ARFGEF3: variants seen among roughly 807,000 people sequenced by gnomAD.
ARFGEF3 encodes brefeldin A-inhibited guanine nucleotide-exchange protein 3.
In ARFGEF3, 96 loss-of-function variants were observed where a neutral mutation model predicts 221.7. The observed-to-expected ratio is 0.43, with a 90% confidence interval of 0.37 to 0.51. The LOEUF is 0.51. Among genes scored for constraint, ARFGEF3 ranks in the 20% least tolerant of loss-of-function variants. ARFGEF3 has a pLI of 0.00. For synonymous variants in ARFGEF3, 1,145 were observed against 1,126.8 expected (o/e 1.02, Z -0.32); for missense variants, 2,410 against 2,789.9 (o/e 0.86, Z 3.07).
chr6:138,166,487 A>G (rs866936848), intron 1 of ARFGEF3, among the ~76,000 whole-genome samples: 34 of 152,284 alleles, frequency 2.2e-4, no homozygotes, highest in Non-Finnish European at 4.9e-4. Context: ...ATCAGTGTTA[A>G]TGGCTGCAGA....
intron 4 of ARFGEF3, among the ~76,000 whole-genome samples, chr6:138,215,700 T>C (rs1043355737): frequency 6.6e-6 from 1 of 151,926 alleles, no homozygotes; most frequent in African/African-American, 2.4e-5. Context: ...TAAGGAGGGG[T>C]AAAACTAGGA....
chr6:138,204,617 T>C (rs1777596779), intron 2 of ARFGEF3, among the ~76,000 whole-genome samples: 1 of 152,188 alleles, frequency 6.6e-6, no homozygotes, highest in Non-Finnish European at 1.5e-5. Context: ...ATTATGGGGC[T>C]CTTTACCAAA....
In ARFGEF3 at chr6:138,298,695, G is replaced by A. The variant is rs1241790930; in HGVS notation, c.3738G>A (p.Glu1246=). The change falls in exon 22 of 34, where the codon GAG becomes GAA. Residue 1246 remains glutamate, a synonymous_variant. Coordinates refer to ENST00000251691, the MANE Select transcript of ARFGEF3 (RefSeq NM_020340.5). The part of the protein sequence containing the change: ...ILTEVLTDWN[E]PPHFHFNEAL... ...CAGAAGTCCTCACTGACTGGAATGA[G>A]CCACCTCATTTTCACTTCAATGAAG... 6.2e-7 allele frequency: 1 copy of A among 1,613,610 alleles called. No homozygotes were observed. The highest frequency in any genetic ancestry group is 1.7e-5 in the Admixed American group (1 of 60,012).
In ARFGEF3 at chr6:138,311,419, G is replaced by A. The variant is rs755360881; in HGVS notation, c.4109G>A (p.Cys1370Tyr). ...GTGCCGCCCCTAGGGGAGGTGGACT[G>A]TAAAGAGATTGGAGACTGTGCCCCA... is the stretch of plus-strand genomic sequence containing the variant. ...KFVKGLGEVD[C>Y]KEIGDCAPAP... Residue 1370 changes from cysteine (C) to tyrosine (Y), a missense_variant, in exon 25 of 34, where the codon TGT becomes TAT. Cys to Tyr is a radical substitution (Grantham distance 194). Transcript: ENST00000251691. The A allele has an allele frequency of 1.2e-6, 2 of 1,606,104 alleles. No individual in the cohort carries two copies. Among genetic ancestry groups the A allele is most frequent in the East Asian group, 4.5e-5 (2 of 44,590 alleles).
chr6:138,324,251 A>T, intron 31 of ARFGEF3, 97 bp downstream of exon 31: 3 of 1,436,502 alleles, frequency 2.1e-6, no homozygotes, highest in Non-Finnish European at 2.8e-6. Context: ...ATTGCCTTTC[A>T]TTCCCTGAGG....
chr6:138,292,320 C>T (rs1403205042), intron 19 of ARFGEF3, among the ~76,000 whole-genome samples: 1 of 152,190 alleles, frequency 6.6e-6, no homozygotes, highest in East Asian at 1.9e-4. Flanking sequence ...CTCCCTGGGC[C>T]CTGCCTGGCT....
chr6:138,307,139 C>A, intron 22 of ARFGEF3, 114 bp from the exon 23 acceptor site: 1 of 1,101,596 alleles, frequency 9.1e-7, no homozygotes, highest in African/African-American at 1.5e-5. Flanking sequence ...CTGGTTTTTC[C>A]TTTTCACTAA....
chr6:138,203,290 G>C (rs1777569810), intron 2 of ARFGEF3, among the ~76,000 whole-genome samples: 1 of 152,216 alleles, frequency 6.6e-6, no homozygotes, highest in Non-Finnish European at 1.5e-5. Context: ...ATTTGGGTTT[G>C]AGTTGTCTCC....
chr6:138,326,643 C>A (rs975679405), intron 31 of ARFGEF3, among the ~76,000 whole-genome samples: 9 of 152,130 alleles, frequency 5.9e-5, no homozygotes, highest in Non-Finnish European at 1.3e-4. Flanking sequence ...GAAAAAGTAA[C>A]GCTTTTATAC....
chr6:138,340,662 A>AT lies in ARFGEF3; in HGVS notation c.*4182dup, dbSNP rs1232848677. On this transcript the variant is annotated 3_prime_UTR_variant, in exon 34 of 34. Coordinates refer to ENST00000251691, the MANE Select transcript of ARFGEF3 (RefSeq NM_020340.5). ...TTGTGAGACAAGTGTTGTGTTCCTCATTTTTTCAGAGGGGAACACAGACCC... is the reference window on the plus strand; with the variant it reads ...TTGTGAGACAAGTGTTGTGTTCCTCATTTTTTTCAGAGGGGAACACAGACCC... 1 of 152,104 alleles carries AT rather than the reference A, an allele frequency of 6.6e-6. No homozygotes were observed. Among genetic ancestry groups the AT allele is most frequent in the Non-Finnish European group, 1.5e-5 (1 of 68,014 alleles). 9.4% of individuals were successfully genotyped at this position (152,104 alleles called of 1,614,324 possible). A position where few individuals can be genotyped will look rare whatever the true frequency, so the allele number is the denominator to read the frequency against.
At chr6:138,236,467 A>G (rs1450773176) in intron 5 of ARFGEF3, among the ~76,000 whole-genome samples, 1 of 152,218 alleles carries the variant, frequency 6.6e-6, no homozygotes, top group African/African-American at 2.4e-5. Context: ...GCAAAAGTAG[A>G]AGCATTTCAG....
intron 2 of ARFGEF3, among the ~76,000 whole-genome samples, chr6:138,173,740 C>T (rs1350611836): frequency 6.6e-6 from 1 of 152,108 alleles, no homozygotes; most frequent in Middle Eastern, 3.4e-3. Context: ...TTTGCTTTAC[C>T]CCAGAGCCAG....
intron 2 of ARFGEF3, among the ~76,000 whole-genome samples, chr6:138,186,835 C>T (rs1053076246): frequency 6.7e-6 from 1 of 150,244 alleles, no homozygotes; most frequent in African/African-American, 2.4e-5. Context: ...TGCTGCTCTT[C>T]TCACTGCACT....
At chr6:138,316,096 G>T (rs1251779269) in intron 26 of ARFGEF3, among the ~76,000 whole-genome samples, 1 of 152,098 alleles carries the variant, frequency 6.6e-6, no homozygotes, top group Non-Finnish European at 1.5e-5. Flanking sequence ...AAACGGTTGG[G>T]TATGTAACGT....
At chr6:138,264,968 A>G (rs1319023970) in intron 12 of ARFGEF3, among the ~76,000 whole-genome samples, 2 of 150,568 alleles carry the variant, frequency 1.3e-5, no homozygotes, top group Admixed American at 6.6e-5. Context: ...CAGTGGTGCA[A>G]TCTCGGCTCA....
intron 12 of ARFGEF3, among the ~76,000 whole-genome samples, chr6:138,275,870 C>T (rs1583044461): frequency 6.6e-6 from 1 of 151,996 alleles, no homozygotes; most frequent in East Asian, 1.9e-4. Flanking sequence ...AAATTTGTAT[C>T]TCTCATTTCT....
At chr6:138,215,254 A>G (rs1777819213) in intron 4 of ARFGEF3, among the ~76,000 whole-genome samples, 1 of 152,118 alleles carries the variant, frequency 6.6e-6, no homozygotes, top group Admixed American at 6.5e-5. Context: ...TGCCGAATGG[A>G]ATTATGGCTG....
rs770380452 is a variant in ARFGEF3, at chr6:138,263,387, G to C, written c.1904G>C (p.Cys635Ser). 6.2e-7 allele frequency: 1 copy of C among 1,613,994 alleles called. No individual in the cohort carries two copies. The highest frequency in any genetic ancestry group is 8.5e-7 in the Non-Finnish European group (1 of 1,179,900). Residue 635 changes from cysteine (C) to serine (S), a missense_variant, in exon 12 of 34, where the codon TGT becomes TCT. Physicochemically the swap from Cys to Ser is moderately radical, Grantham distance 112. Transcript: ENST00000251691. ...GTGTCAGACATTGGGTCGGACAACT[G>C]TTCACTAGCCGATGAAGAGCAGACA... is the stretch of plus-strand genomic sequence containing the variant. ...SDVSDIGSDN[C>S]SLADEEQTPR...
intron 2 of ARFGEF3, among the ~76,000 whole-genome samples, chr6:138,184,001 C>T (rs564605438): frequency 2.0e-5 from 3 of 152,302 alleles, no homozygotes; most frequent in Non-Finnish European, 2.9e-5. Flanking sequence ...CCACAGGGCT[C>T]GCTCTCAGAA....
Sources: gnomAD v4.1 joint callset for allele counts (sites outside exome capture counted in the v4.1 genomes callset) on GRCh38, gnomAD v4.1.1 for gene constraint, MANE v1.5 for transcripts, NCBI Gene and HGNC (gene_info 2026-07-23, HGNC 2026-07-21) for gene names.